The following TNS3 variants were observed in gnomAD, a reference collection of about 807,000 sequenced individuals.
TNS3 encodes the protein tensin-3.
TNS3 carries 45 observed loss-of-function variants against 140.9 expected under a neutral mutation model. The ratio of observed to expected loss-of-function variants is 0.32; its 90% CI spans 0.25 to 0.41. The LOEUF is 0.41. Among genes scored for constraint, TNS3 ranks in the 10% least tolerant of loss-of-function variants. The probability of loss-of-function intolerance (pLI) is 1.00; values close to 1 mark genes in which losing one functional copy is unlikely to be tolerated. For synonymous variants in TNS3, 815 were observed against 788.4 expected, an observed-to-expected ratio of 1.03 and a Z score of -0.56; for missense variants, 1,716 against 1,906.7, an observed-to-expected ratio of 0.90 and a Z score of 1.86.
intron 3 of TNS3, among the ~76,000 whole-genome samples, chr7:47,486,501 C>T (rs554464954): frequency 3.6e-4 from 55 of 152,266 alleles, no homozygotes; most frequent in Non-Finnish European, 5.4e-4. Context: ...CTAACAAGTA[C>T]ATTCTGCCTT....
chr7:47,384,838 T>C (rs1791982686), intron 16 of TNS3, among the ~76,000 whole-genome samples: 1 of 152,216 alleles, frequency 6.6e-6, no homozygotes, highest in Non-Finnish European at 1.5e-5. Context: ...CAAGGCCTGC[T>C]GTCTCCCTCG....
chr7:47,543,686 AAC>A (rs1277662871), intron 1 of TNS3, among the ~76,000 whole-genome samples: 1 of 130,468 alleles, frequency 7.7e-6, no homozygotes, highest in African/African-American at 4.7e-5. Context: ...CTCAGTAGAT[AAC>A]GTGATGAATG....
intron 8 of TNS3, among the ~76,000 whole-genome samples, chr7:47,429,647 C>T (rs1171554547): frequency 6.6e-6 from 1 of 152,160 alleles, no homozygotes; most frequent in East Asian, 1.9e-4. Context: ...GACTATGGGA[C>T]TACAGGCGTG....
At chr7:47,291,813 C>A (rs905056308) in intron 27 of TNS3, 142 bp downstream of exon 27, 8 of 890,836 alleles carry the variant, frequency 9.0e-6, no homozygotes, top group Non-Finnish European at 1.4e-5. Context: ...CAGCTCTGTG[C>A]AAGCTTCTAT....
intron 17 of TNS3, among the ~76,000 whole-genome samples, chr7:47,352,071 A>G (rs1416566055): frequency 1.3e-5 from 2 of 148,556 alleles, no homozygotes; most frequent in African/African-American, 2.5e-5. Flanking sequence ...TTGCACACAC[A>G]CTCTTACACC....
chr7:47,413,854 C>T lies in TNS3; in HGVS notation c.647+83G>A, dbSNP rs191442586. On this transcript the variant is annotated intron_variant, in intron 12 of 30. Coordinates refer to ENST00000311160, the MANE Select transcript of TNS3 (RefSeq NM_022748.12). ...CCTGAACCCTCCCACACTCTTCCTGCGGGACAGGCAGCTGAGGGTCAGCTG... is the reference window on the plus strand; with the variant it reads ...CCTGAACCCTCCCACACTCTTCCTGTGGGACAGGCAGCTGAGGGTCAGCTG... 134 of 1,529,366 alleles carry T rather than the reference C, an allele frequency of 8.8e-5. No individual in the cohort carries two copies. In the African/African-American group the frequency reaches 1.5e-3, roughly 17 times the overall value. The allele number at this position is 1,529,366 out of a possible 1,614,324, so 94.7% of individuals were successfully genotyped here.
intron 1 of TNS3, among the ~76,000 whole-genome samples, chr7:47,559,597 G>A (rs797005789): frequency 1.4e-4 from 21 of 152,206 alleles, no homozygotes; most frequent in African/African-American, 5.1e-4. Context: ...GGCTGGAAGG[G>A]GCTAAAACAA....
At chr7:47,482,740 A>G (rs1043706176) in intron 3 of TNS3, among the ~76,000 whole-genome samples, 9 of 147,752 alleles carry the variant, frequency 6.1e-5, no homozygotes, top group African/African-American at 2.2e-4. Context: ...GTCAAGCATG[A>G]TGAAAAAAAA....
intron 5 of TNS3, among the ~76,000 whole-genome samples, chr7:47,440,076 C>T (rs1192119249): frequency 8.6e-5 from 13 of 151,990 alleles, no homozygotes; most frequent in Non-Finnish European, 1.5e-4. Flanking sequence ...AAGGTCGGCA[C>T]GAGGGGGCAC....
intron 21 of TNS3, 33 bp downstream of exon 21, chr7:47,304,799 A>C (rs2150725883): frequency 7.4e-7 from 1 of 1,345,042 alleles, no homozygotes; most frequent in Non-Finnish European, 9.6e-7. Flanking sequence ...TTTAAGGGGA[A>C]CTTGTGCCAA....
At chr7:47,346,115 T>G in intron 18 of TNS3, 72 bp downstream of exon 18, 2 of 1,573,014 alleles carry the variant, frequency 1.3e-6, no homozygotes, top group East Asian at 4.5e-5. Context: ...TCATTGCCCA[T>G]TCACTCGGGG....
chr7:47,340,934 G>T (rs757759329), intron 20 of TNS3, among the ~76,000 whole-genome samples: 2 of 152,132 alleles, frequency 1.3e-5, no homozygotes, highest in Non-Finnish European at 2.9e-5. Context: ...TTTGCTGGAA[G>T]TTTTGAGTCA....
intron 1 of TNS3, among the ~76,000 whole-genome samples, chr7:47,578,990 CGT>C (rs1476008914): frequency 6.6e-6 from 1 of 151,874 alleles, no homozygotes. Context: ...AGTGAGGCAG[CGT>C]GGAAACGACA....
intron 28 of TNS3, among the ~76,000 whole-genome samples, chr7:47,283,297 C>T (rs528302670): frequency 1.3e-5 from 2 of 152,292 alleles, no homozygotes; most frequent in East Asian, 3.9e-4. Context: ...CAAGGTCATA[C>T]GCTCACCTGA....
At chr7:47,562,466 A>G (rs1800337239) in intron 1 of TNS3, among the ~76,000 whole-genome samples, 1 of 150,948 alleles carries the variant, frequency 6.6e-6, no homozygotes, top group East Asian at 1.9e-4. Flanking sequence ...GGCTCACTGC[A>G]ACCTCCGCCT....
chr7:47,446,688 C>CTTTTTTTTTTTTTTTTTTTTT (rs144042398), intron 4 of TNS3, among the ~76,000 whole-genome samples: 1 of 96,730 alleles, frequency 1.0e-5, no homozygotes, highest in Non-Finnish European at 2.0e-5. Context: ...TCCAGGCTGC[C>CTTTTTTTTTTTTTTTTTTTTT]TTTTTTTTTT....
rs746414475 is a variant in TNS3, at chr7:47,437,279, G to A, written c.185C>T (p.Thr62Met). The A allele has an allele frequency of 7.7e-6, 12 of 1,560,118 alleles. No individual in the cohort carries two copies. Among genetic ancestry groups the A allele is most frequent in the Admixed American group, 4.1e-5 (2 of 48,364 alleles). ...LNLSEKRYDLTKLNPKIMDVG... is the reference protein window; with the variant it reads ...LNLSEKRYDLMKLNPKIMDVG... ...ACTCTGTACCTTTGGGTTAAGCTTC[G>A]TAAGGTCATATCTCTTTTCTGAAAG... is the stretch of plus-strand genomic sequence containing the variant. Residue 62 changes from threonine to methionine, a missense_variant, in exon 7 of 31, where the codon ACG (threonine) becomes ATG (methionine). By Grantham distance (81) the Thr-to-Met change is moderately conservative. Transcript: ENST00000311160.
intron 3 of TNS3, among the ~76,000 whole-genome samples, chr7:47,494,592 A>G (rs1313867348): frequency 6.6e-6 from 1 of 152,162 alleles, no homozygotes; most frequent in Non-Finnish European, 1.5e-5. Flanking sequence ...ATCCTTGCAC[A>G]CCGCTTTATT....
At chr7:47,301,876 G>A (rs1786420750) in intron 23 of TNS3, among the ~76,000 whole-genome samples, 1 of 152,178 alleles carries the variant, frequency 6.6e-6, no homozygotes, top group Admixed American at 6.5e-5. Flanking sequence ...CAGCAGTTGT[G>A]GGCTGGCATC....
Sources: allele counts gnomAD v4.1 joint callset (sites outside exome capture counted in the v4.1 genomes callset), GRCh38; gene constraint gnomAD v4.1.1; transcripts MANE v1.5; gene names NCBI Gene and HGNC (gene_info 2026-07-23, HGNC 2026-07-21).